RPTOR: variants seen among roughly 807,000 people sequenced by gnomAD.
RPTOR encodes the protein regulatory-associated protein of mTOR.
RPTOR carries 21 observed loss-of-function variants against 169.9 expected under a neutral mutation model. The ratio of observed to expected loss-of-function variants is 0.12; its 90% CI spans 0.09 to 0.18. RPTOR has a LOEUF of 0.18. Among genes scored for constraint, RPTOR ranks in the 10% least tolerant of loss-of-function variants. The probability of loss-of-function intolerance (pLI) is 1.00; values close to 1 mark genes in which losing one functional copy is unlikely to be tolerated. For missense variants in RPTOR, 1,133 were observed against 1,855.9 expected (o/e 0.61, Z 7.16); for synonymous variants, 732 against 753.2 (o/e 0.97, Z 0.46).
At chr17:80,935,852 G>C (rs984550175) in intron 24 of RPTOR, among the ~76,000 whole-genome samples, 9 of 151,946 alleles carry the variant, frequency 5.9e-5, no homozygotes, top group Admixed American at 5.2e-4. Flanking sequence ...AGTCAAAAAA[G>C]AAAAAAACGA....
intron 17 of RPTOR, among the ~76,000 whole-genome samples, chr17:80,889,251 G>A (rs1332647913): frequency 2.0e-5 from 3 of 152,240 alleles, no homozygotes; most frequent in South Asian, 2.1e-4. Flanking sequence ...GTTGCCCCTC[G>A]TTGAAGGGGC....
intron 7 of RPTOR, among the ~76,000 whole-genome samples, chr17:80,821,673 CT>C (rs1363576594): frequency 1.3e-5 from 2 of 152,226 alleles, no homozygotes; most frequent in African/African-American, 4.8e-5. Context: ...GTCCTTCCCC[CT>C]AGACCCTTAG....
rs2067650592 is a variant in RPTOR at position 80,841,299 on chromosome 17, A to ACACGGCACCTCACTCTCACC, written c.1212+3302_1212+3303insCACGGCACCTCACTCTCACC. On this transcript the variant is annotated intron_variant, in intron 10 of 33. Coordinates refer to ENST00000306801, the MANE Select transcript of RPTOR (RefSeq NM_020761.3). ...TCACCGCACGGCAGCTCACTCTCAC[A>ACACGGCACCTCACTCTCACC]GCACGGCAGCTCACACTCACCGCAC... Among the ~76,000 whole-genome samples the ACACGGCACCTCACTCTCACC allele has an allele frequency of 4.1e-4, 5 of 12,136 alleles. 1 individual carries two copies. Among genetic ancestry groups the ACACGGCACCTCACTCTCACC allele is most frequent in the African/African-American group, 1.3e-3 (4 of 3,068 alleles). The allele number at this position is 12,136 out of a possible 152,430, so 8.0% of individuals were successfully genotyped here.
intron 10 of RPTOR, 101 bp from the exon 11 acceptor site, chr17:80,846,372 C>T: frequency 8.4e-7 from 1 of 1,190,340 alleles, no homozygotes; most frequent in Non-Finnish European, 1.2e-6. Context: ...CAGGGCGGGC[C>T]CTTCGTGAAG....
At chr17:80,783,158 C>A (rs1327899033) in intron 6 of RPTOR, among the ~76,000 whole-genome samples, 1 of 152,196 alleles carries the variant, frequency 6.6e-6, no homozygotes, top group Non-Finnish European at 1.5e-5. Flanking sequence ...AAGGAGCCTC[C>A]CTTTCAGTCT....
chr17:80,714,310 C>T (rs575781347), intron 4 of RPTOR, among the ~76,000 whole-genome samples: 1 of 152,224 alleles, frequency 6.6e-6, no homozygotes, highest in Admixed American at 6.5e-5. Context: ...AAAGCAAAAG[C>T]CAGTATTAAT....
intron 1 of RPTOR, among the ~76,000 whole-genome samples, chr17:80,566,344 C>T (rs1160068261): frequency 6.6e-6 from 1 of 152,008 alleles, no homozygotes; most frequent in African/African-American, 2.4e-5. Context: ...GGAGAGGTTT[C>T]CCAGATGTTA....
chr17:80,699,463 C>T (rs183044292), intron 3 of RPTOR, among the ~76,000 whole-genome samples: 274 of 146,742 alleles, frequency 1.9e-3, no homozygotes, highest in Non-Finnish European at 2.6e-3. Flanking sequence ...GTGCTATGCA[C>T]GGTACCCTGG....
chr17:80,663,816 TG>T (rs998483015), intron 3 of RPTOR, among the ~76,000 whole-genome samples: 6 of 151,922 alleles, frequency 3.9e-5, no homozygotes, highest in African/African-American at 1.5e-4. Context: ...TGCTTGAGAC[TG>T]GTTCTGTGCG....
intron 3 of RPTOR, among the ~76,000 whole-genome samples, chr17:80,684,213 G>A (rs943297512): frequency 4.6e-5 from 7 of 151,932 alleles, no homozygotes; most frequent in Non-Finnish European, 7.4e-5. Context: ...ATTCTGTTCC[G>A]TTGCAGGGCT....
intron 1 of RPTOR, among the ~76,000 whole-genome samples, chr17:80,546,112 A>G (rs2084271121): frequency 6.6e-6 from 1 of 152,242 alleles, no homozygotes; most frequent in African/African-American, 2.4e-5. Flanking sequence ...TTCTGTAAAC[A>G]CTTAGAGGAA....
chr17:80,873,337 G>A (rs369126686), intron 13 of RPTOR, among the ~76,000 whole-genome samples: 1 of 152,094 alleles, frequency 6.6e-6, no homozygotes, highest in African/African-American at 2.4e-5. Flanking sequence ...CTGGAATTGT[G>A]ATGTTTCTCC....
chr17:80,561,042 C>T (rs7219101), intron 1 of RPTOR, among the ~76,000 whole-genome samples: 1,999 of 152,098 alleles, frequency 0.013, 45 homozygotes, highest in African/African-American at 0.045. Flanking sequence ...GCTTTTAAAG[C>T]AGGGTGGTGA....
intron 1 of RPTOR, among the ~76,000 whole-genome samples, chr17:80,577,830 G>A (rs947514433): frequency 2.0e-5 from 3 of 152,262 alleles, no homozygotes; most frequent in South Asian, 2.1e-4. Context: ...ATGCAGAATG[G>A]GCTTTCTTTG....
intron 12 of RPTOR, 73 bp from the exon 13 acceptor site, chr17:80,857,717 C>A: frequency 1.0e-6 from 1 of 1,003,632 alleles, no homozygotes; most frequent in Non-Finnish European, 1.5e-6. Flanking sequence ...GCAGCTGGTC[C>A]CGCGTGGCAC....
chr17:80,790,071 G>A (rs1358042983), intron 6 of RPTOR, among the ~76,000 whole-genome samples: 2 of 152,168 alleles, frequency 1.3e-5, no homozygotes, highest in Non-Finnish European at 2.9e-5. Context: ...AGCTGCATGT[G>A]TCTGTGCTGG....
chr17:80,736,409 C>T (rs1294134853), intron 5 of RPTOR, among the ~76,000 whole-genome samples: 3 of 152,136 alleles, frequency 2.0e-5, no homozygotes, highest in Non-Finnish European at 4.4e-5. Flanking sequence ...TCCACAGCCT[C>T]CCCAAGGCTG....
At chr17:80,666,263 A>G (rs944416040) in intron 3 of RPTOR, among the ~76,000 whole-genome samples, 8 of 152,118 alleles carry the variant, frequency 5.3e-5, no homozygotes, top group Admixed American at 3.3e-4. Flanking sequence ...GCCAAAATAA[A>G]TTACGTTTAT....
At chr17:80,667,899 T>C (rs2065792623) in intron 3 of RPTOR, among the ~76,000 whole-genome samples, 1 of 152,190 alleles carries the variant, frequency 6.6e-6, no homozygotes. Context: ...TTAACCTTTC[T>C]GTGAAATCAT....
Sources: allele counts gnomAD v4.1 joint callset (sites outside exome capture counted in the v4.1 genomes callset), GRCh38; gene constraint gnomAD v4.1.1; transcripts MANE v1.5; gene names NCBI Gene and HGNC (gene_info 2026-07-23, HGNC 2026-07-21).